The following FTO variants were observed in gnomAD, a reference collection of about 807,000 sequenced individuals.
FTO encodes FTO alpha-ketoglutarate dependent dioxygenase, also known as alpha-ketoglutarate-dependent dioxygenase FTO.
FTO carries 47 observed loss-of-function variants against 63.9 expected under a neutral mutation model. The observed-to-expected ratio is 0.74, with a 90% confidence interval of 0.58 to 0.94. FTO has a LOEUF of 0.94. Among genes scored for constraint, FTO ranks in the 40% least tolerant of loss-of-function variants. The pLI, the probability that FTO is intolerant of heterozygous loss-of-function variation, is 0.00. For missense variants in FTO, 562 were observed against 618.1 expected, an observed-to-expected ratio of 0.91 and a Z score of 0.96; for synonymous variants, 207 against 224.4, an observed-to-expected ratio of 0.92 and a Z score of 0.69.
intron 8 of FTO, among the ~76,000 whole-genome samples, chr16:54,073,172 C>T (rs1467244848): frequency 6.6e-6 from 1 of 152,156 alleles, no homozygotes; most frequent in East Asian, 1.9e-4. Flanking sequence ...TTCAAGCATT[C>T]TCTGCCTCCC....
At chr16:53,871,014 G>A (rs1262894466) in intron 4 of FTO, among the ~76,000 whole-genome samples, 3 of 152,140 alleles carry the variant, frequency 2.0e-5, no homozygotes, top group African/African-American at 7.2e-5. Flanking sequence ...AACTTCTGAT[G>A]AGAAGTCTGC....
At chr16:53,840,792 G>T (rs1286839741) in intron 3 of FTO, among the ~76,000 whole-genome samples, 2 of 152,096 alleles carry the variant, frequency 1.3e-5, no homozygotes, top group African/African-American at 4.8e-5. Flanking sequence ...GACTAGCAAA[G>T]GTCACGTCCT....
intron 8 of FTO, among the ~76,000 whole-genome samples, chr16:54,021,381 G>A (rs2084594838): frequency 6.6e-6 from 1 of 151,840 alleles, no homozygotes; most frequent in Non-Finnish European, 1.5e-5. Context: ...TCCTCAGAGG[G>A]TAGGCTGGGT....
intron 7 of FTO, among the ~76,000 whole-genome samples, chr16:53,915,930 G>A (rs1168480516): frequency 6.6e-6 from 1 of 152,188 alleles, no homozygotes; most frequent in Non-Finnish European, 1.5e-5. Context: ...GCAAGTCAGA[G>A]TTAAGTAGGA....
At chr16:53,747,407 TGTG>T (rs1333100072) in intron 1 of FTO, among the ~76,000 whole-genome samples, 1 of 152,188 alleles carries the variant, frequency 6.6e-6, no homozygotes, top group African/African-American at 2.4e-5. Flanking sequence ...GATATCTCAT[TGTG>T]GTTTTAATTT....
rs76563975 is a variant in FTO, at chr16:53,802,194, G to A, written c.46-7946G>A. On this transcript the variant is annotated intron_variant, in intron 1 of 8. Transcript: ENST00000471389. ...ATTCTCAAGTCACTTATATAAAATG[G>A]CATGTCGCATTTGCATATAACCTAT... 3.5e-3 allele frequency among the ~76,000 whole-genome samples: 533 copies of A among 152,180 alleles called. 3 individuals are homozygous for A. Among genetic ancestry groups the A allele is most frequent in the African/African-American group, 0.013 (526 of 41,492 alleles).
intron 8 of FTO, among the ~76,000 whole-genome samples, chr16:54,003,511 T>G (rs1372891002): frequency 6.6e-6 from 1 of 152,182 alleles, no homozygotes; most frequent in Non-Finnish European, 1.5e-5. Context: ...GAGCTTTCCT[T>G]TTTTAAAATC....
In FTO at chr16:54,112,424, G is replaced by A. The variant is rs886052109; in HGVS notation, c.*509G>A. The A allele has an allele frequency of 5.5e-5, 10 of 181,196 alleles. No individual in the cohort carries two copies. The highest frequency in any genetic ancestry group is 4.3e-4 in the East Asian group (3 of 6,930). The allele number at this position is 181,196 out of a possible 1,614,324, so 11.2% of individuals were successfully genotyped here. ...TAATTAAAAATGCAGCTCTTCAGTC[G>A]CCCTGGCCACATTTCAAGTGCTTAA... On this transcript the variant is annotated 3_prime_UTR_variant, in exon 9 of 9. Coordinates refer to ENST00000471389, the MANE Select transcript of FTO (RefSeq NM_001080432.3).
chr16:53,813,009 T>C lies in FTO; in HGVS notation c.123+2792T>C, dbSNP rs138343885. Among the ~76,000 whole-genome samples the C allele has an allele frequency of 4.8e-3, 733 of 152,282 alleles. 5 individuals carry two copies. The highest frequency in any genetic ancestry group is 0.016 in the African/African-American group (685 of 41,550). Reference sequence around the variant, plus strand: ...AGCAACTGCCAAGCCATTTCAGCTTTTGTCGTGTGAAAATGGTACAGGAAG... The same window carrying C: ...AGCAACTGCCAAGCCATTTCAGCTTCTGTCGTGTGAAAATGGTACAGGAAG... On this transcript the variant is annotated intron_variant, in intron 2 of 8. Coordinates refer to ENST00000471389, the MANE Select transcript of FTO (RefSeq NM_001080432.3).
chr16:53,719,262 TTTTTTTTTTTTTTG>T (rs1424663106), intron 1 of FTO, among the ~76,000 whole-genome samples: 1 of 25,212 alleles, frequency 4.0e-5, no homozygotes, highest in Non-Finnish European at 1.2e-4. Context: ...TCTTTTTTTT[TTTTTTTTTTTTTTG>T]AGCAGAGTCT....
intron 8 of FTO, among the ~76,000 whole-genome samples, chr16:54,068,236 AT>A (rs1174843421): frequency 6.6e-6 from 1 of 150,900 alleles, no homozygotes; most frequent in Non-Finnish European, 1.5e-5. Context: ...TTCCTTTCTC[AT>A]TTTCTTATTT....
chr16:53,872,297 T>C (rs2080522719), intron 4 of FTO, among the ~76,000 whole-genome samples: 1 of 152,236 alleles, frequency 6.6e-6, no homozygotes, highest in Admixed American at 6.5e-5. Flanking sequence ...AGGTCAGTGC[T>C]CTTCCAAATA....
At chr16:53,749,186 CATTT>C (rs2076720594) in intron 1 of FTO, among the ~76,000 whole-genome samples, 1 of 152,138 alleles carries the variant, frequency 6.6e-6, no homozygotes, top group African/African-American at 2.4e-5. Context: ...TAATTGTATT[CATTT>C]ATTAGTTCTA....
intron 1 of FTO, among the ~76,000 whole-genome samples, chr16:53,720,660 T>C (rs1415067873): frequency 6.9e-6 from 1 of 145,672 alleles, no homozygotes; most frequent in Admixed American, 6.9e-5. Context: ...ATATATCTTT[T>C]ATATATATAT....
At chr16:53,978,959 G>A (rs1230853524) in intron 8 of FTO, among the ~76,000 whole-genome samples, 2 of 151,924 alleles carry the variant, frequency 1.3e-5, no homozygotes, top group African/African-American at 4.8e-5. Flanking sequence ...AGATCATGCC[G>A]CTGCACTCCG....
intron 2 of FTO, among the ~76,000 whole-genome samples, chr16:53,823,338 A>G (rs2078917032): frequency 6.6e-6 from 1 of 152,098 alleles, no homozygotes; most frequent in African/African-American, 2.4e-5. Context: ...GCGACTCAGG[A>G]AATAGCTTTG....
chr16:53,956,078 T>G lies in FTO; in HGVS notation c.1364+21969T>G, dbSNP rs539039654. On this transcript the variant is annotated intron_variant, in intron 8 of 8. Coordinates refer to ENST00000471389, the MANE Select transcript of FTO (RefSeq NM_001080432.3). Reference sequence around the variant, plus strand: ...TCTTTAATTTTTTTCCTTGTAGTAATCATACAAAGGTGAGTGGTTTCATCC... The same window carrying G: ...TCTTTAATTTTTTTCCTTGTAGTAAGCATACAAAGGTGAGTGGTTTCATCC... Among the ~76,000 whole-genome samples, 103 of 152,324 alleles carry G rather than the reference T, an allele frequency of 6.8e-4. No homozygotes were observed. The Middle Eastern group carries it at 0.01, about 15-fold the overall frequency.
At chr16:53,922,325 T>A (rs957739811) in intron 7 of FTO, among the ~76,000 whole-genome samples, 2 of 152,194 alleles carry the variant, frequency 1.3e-5, no homozygotes, top group Non-Finnish European at 2.9e-5. Flanking sequence ...GAATTTCCCA[T>A]TGGCTTAAAG....
At chr16:53,935,373 C>T (rs1225217761) in intron 8 of FTO, among the ~76,000 whole-genome samples, 1 of 152,078 alleles carries the variant, frequency 6.6e-6, no homozygotes, top group Non-Finnish European at 1.5e-5. Flanking sequence ...GAGCATTTTC[C>T]AAGAAAGGAG....
Sources: allele counts gnomAD v4.1 joint callset (sites outside exome capture counted in the v4.1 genomes callset), GRCh38; gene constraint gnomAD v4.1.1; transcripts MANE v1.5; gene names NCBI Gene and HGNC (gene_info 2026-07-23, HGNC 2026-07-21).